Variants in USP22 observed in about 807,000 individuals in gnomAD.
USP22 encodes ubiquitin specific peptidase 22.
Under a neutral mutation model 68.1 loss-of-function variants are expected in USP22, and 22 were observed. The ratio of observed to expected loss-of-function variants is 0.32; its 90% confidence interval spans 0.23 to 0.46. The LOEUF is 0.46. Ranked by LOEUF, USP22 falls within the 20% of genes least tolerant of loss-of-function variation. The pLI is 1.00. For synonymous variants in USP22, 279 were observed against 274.2 expected (o/e 1.02, Z -0.17); for missense variants, 433 against 695.8 (o/e 0.62, Z 4.25).
chr17:21,006,144 G>A (rs1010885366), intron 10 of USP22, among the ~76,000 whole-genome samples: 1 of 152,122 alleles, frequency 6.6e-6, no homozygotes, highest in Non-Finnish European at 1.5e-5. Flanking sequence ...ATTTTAAGCC[G>A]CCAGGTTTTT....
intron 5 of USP22, among the ~76,000 whole-genome samples, chr17:21,016,928 A>C (rs1972090496): frequency 6.6e-6 from 1 of 152,154 alleles, no homozygotes; most frequent in Non-Finnish European, 1.5e-5. Context: ...AACAAGCCGG[A>C]GTCTAAAAAC....
intron 1 of USP22, chr17:21,042,221 T>G (rs1343684053): frequency 6.5e-6 from 1 of 154,760 alleles, no homozygotes; most frequent in African/African-American, 2.4e-5. Context: ...CGCAAGGACC[T>G]CGCGCAGGAA....
intron 12 of USP22, 115 bp downstream of exon 12, chr17:21,004,087 A>T: frequency 7.1e-7 from 1 of 1,409,566 alleles, no homozygotes; most frequent in East Asian, 2.4e-5. Flanking sequence ...ACTTCGGCAA[A>T]TGAAGGTCAA....
chr17:21,012,756 G>C (rs1367903705), intron 7 of USP22, 74 bp downstream of exon 7: 2 of 1,355,424 alleles, frequency 1.5e-6, no homozygotes, highest in African/African-American at 2.9e-5. Flanking sequence ...AGCACACACA[G>C]CTCTGGAGAC....
At chr17:21,013,107 G>A (rs925195645) in intron 6 of USP22, among the ~76,000 whole-genome samples, 172 bp from the exon 7 acceptor site, 3 of 152,134 alleles carry the variant, frequency 2.0e-5, no homozygotes, top group Non-Finnish European at 2.9e-5. Flanking sequence ...TTAATATGAC[G>A]AGAAATCACA....
At chr17:21,005,348 G>A (rs1913745974) in intron 10 of USP22, among the ~76,000 whole-genome samples, 1 of 152,202 alleles carries the variant, frequency 6.6e-6, no homozygotes, top group Non-Finnish European at 1.5e-5. Flanking sequence ...GGGTTAGCTT[G>A]AAAGGGTACG....
chr17:21,012,261 AAAAAACAAAAAC>A (rs535068677), intron 7 of USP22, among the ~76,000 whole-genome samples: 1 of 152,124 alleles, frequency 6.6e-6, no homozygotes. Flanking sequence ...CCATGCCTGA[AAAAAACAAAAAC>A]AAAAACAAAA....
intron 8 of USP22, among the ~76,000 whole-genome samples, chr17:21,008,404 C>T (rs1292595403): frequency 1.3e-5 from 2 of 152,152 alleles, no homozygotes; most frequent in African/African-American, 4.8e-5. Flanking sequence ...AACTGTGGAA[C>T]ACTGTACCAT....
intron 1 of USP22, among the ~76,000 whole-genome samples, chr17:21,033,655 A>T (rs1373292427): frequency 6.6e-6 from 1 of 152,154 alleles, no homozygotes; most frequent in African/African-American, 2.4e-5. Flanking sequence ...CTGGTCTAAA[A>T]CCTGAGCATC....
intron 12 of USP22, 41 bp downstream of exon 12, chr17:21,004,161 G>A (rs772277615): frequency 1.6e-5 from 25 of 1,602,928 alleles, no homozygotes; most frequent in African/African-American, 1.2e-4. Context: ...GGGAAGCACC[G>A]TAGCCACCGT....
chr17:21,020,244 C>CAAAAAAAAAA (rs3047597), intron 3 of USP22, among the ~76,000 whole-genome samples: 11 of 73,252 alleles, frequency 1.5e-4, no homozygotes, highest in Admixed American at 1.7e-4. Context: ...AATCAAAAAC[C>CAAAAAAAAAA]AAAAAAAAAA....
At chr17:21,005,440 C>A (rs1171027711) in intron 10 of USP22, among the ~76,000 whole-genome samples, 44 of 152,204 alleles carry the variant, frequency 2.9e-4, no homozygotes, top group Non-Finnish European at 1.5e-4. Context: ...CCAGCACCTC[C>A]CCTGGTGAGA....
chr17:21,020,693 C>T lies in USP22; in HGVS notation c.418+420G>A, dbSNP rs376384405. On this transcript the variant is annotated intron_variant, in intron 3 of 12. Transcript: ENST00000261497. ...TGCAAAGAGATCGCTTGCTAGAATT[C>T]GGCAGAGCTGAGGGCAAACCACTCA... is the stretch of plus-strand genomic sequence containing the variant. Among the ~76,000 whole-genome samples the T allele has an allele frequency of 8.5e-5, 13 of 152,336 alleles. No homozygotes were observed. In the East Asian group the frequency reaches 1.3e-3, roughly 16 times the overall value.
intron 2 of USP22, among the ~76,000 whole-genome samples, chr17:21,023,247 A>G (rs1295522233): frequency 6.6e-6 from 1 of 152,246 alleles, no homozygotes; most frequent in Non-Finnish European, 1.5e-5. Flanking sequence ...ACTACAGTAC[A>G]TACCCAGGTG....
intron 5 of USP22, among the ~76,000 whole-genome samples, chr17:21,017,134 A>G (rs1972092741): frequency 6.6e-6 from 1 of 152,184 alleles, no homozygotes; most frequent in Non-Finnish European, 1.5e-5. Flanking sequence ...AAATAATTTC[A>G]GCTTTGCAGG....
intron 10 of USP22, among the ~76,000 whole-genome samples, chr17:21,006,084 GCCAACA>G (rs2143516842): frequency 6.6e-6 from 1 of 152,316 alleles, no homozygotes; most frequent in African/African-American, 2.4e-5. Flanking sequence ...ATGGAGCCCT[GCCAACA>G]CCTTGATTTC....
At chr17:21,004,636 C>T (rs190763500) in intron 11 of USP22, among the ~76,000 whole-genome samples, 106 of 152,348 alleles carry the variant, frequency 7.0e-4, no homozygotes, top group Admixed American at 3.1e-3. Context: ...TTCATACTTT[C>T]TACAACCCCA....
At chr17:21,026,264 A>T (rs1270259328) in intron 2 of USP22, among the ~76,000 whole-genome samples, 2 of 152,214 alleles carry the variant, frequency 1.3e-5, no homozygotes, top group African/African-American at 4.8e-5. Context: ...TGTCCATAAG[A>T]AAACAGCTGG....
In USP22 at chr17:21,012,879, G is replaced by A; in HGVS notation, c.895C>T (p.Gln299Ter). 1 of 1,613,676 alleles carries A rather than the reference G, an allele frequency of 6.2e-7. No individual in the cohort carries two copies. The highest frequency in any genetic ancestry group is 8.5e-7 in the Non-Finnish European group (1 of 1,179,922). ...GACTGCAACCCGCCTGTGAAGATCT[G>A]GTCTATGATGCAGTTGCAGTGGTTG... ...NPNHCNCIID[Q>*]IFTGGLQSDV... The change falls in exon 7 of 13, where the codon CAG (glutamine) becomes TAG (stop). Residue 299 changes from glutamine (Q) to a stop codon, truncating the protein, a stop_gained. Transcript: ENST00000261497. LOFTEE classifies it high-confidence loss of function.
Sources: gnomAD v4.1 joint callset for allele counts (sites outside exome capture counted in the v4.1 genomes callset) on GRCh38, gnomAD v4.1.1 for gene constraint, MANE v1.5 for transcripts, NCBI Gene and HGNC (gene_info 2026-07-23, HGNC 2026-07-21) for gene names.